TTC23L: variants seen among roughly 807,000 people sequenced by gnomAD.
The protein encoded by TTC23L is tetratricopeptide repeat domain 23 like.
A neutral mutation model predicts 48.1 loss-of-function variants in TTC23L; 42 were observed. The observed-to-expected ratio is 0.87, with a 90% confidence interval of 0.68 to 1.13. TTC23L has a LOEUF of 1.13. TTC23L is among the 50% of genes most tolerant of loss of function. The pLI, the probability that TTC23L is intolerant of heterozygous loss-of-function variation, is 0.00. For synonymous variants in TTC23L, 159 were observed against 157.2 expected, an observed-to-expected ratio of 1.01 and a Z score of -0.09; for missense variants, 391 against 421.0, an observed-to-expected ratio of 0.93 and a Z score of 0.62.
At chr5:34,877,396 A>G (rs777812425) in intron 8 of TTC23L, among the ~76,000 whole-genome samples, 2 of 149,688 alleles carry the variant, frequency 1.3e-5, no homozygotes, top group Non-Finnish European at 3.0e-5. Flanking sequence ...CCTTTGACTA[A>G]CACTATTATT....
At chr5:34,841,901 G>A (rs929691542) in intron 2 of TTC23L, among the ~76,000 whole-genome samples, 3 of 152,130 alleles carry the variant, frequency 2.0e-5, no homozygotes, top group Non-Finnish European at 2.9e-5. Context: ...TGTTTGTTGT[G>A]GAGGGCTGTC....
At chr5:34,880,270 G>C (rs767790013) in exon 9 of TTC23L, 1 of 1,613,146 alleles carries the variant, frequency 6.2e-7, no homozygotes, top group Non-Finnish European at 8.5e-7. Flanking sequence ...CACCACTGAA[G>C]AATTTTGCAA....
intron 9 of TTC23L, among the ~76,000 whole-genome samples, chr5:34,892,410 C>G (rs567213251): frequency 1.4e-4 from 22 of 152,182 alleles, no homozygotes; most frequent in Non-Finnish European, 2.9e-4. Flanking sequence ...ACAAAAATCT[C>G]AGATTTAAAC....
downstream of TTC23L, among the ~76,000 whole-genome samples, chr5:34,900,939 T>C (rs1178194051): frequency 2.0e-5 from 3 of 152,228 alleles, no homozygotes; most frequent in East Asian, 1.9e-4. Context: ...TACAAAATGA[T>C]TGCAGTACAG....
At chr5:34,854,410 T>C (rs377745655) in intron 4 of TTC23L, among the ~76,000 whole-genome samples, 11 of 152,318 alleles carry the variant, frequency 7.2e-5, no homozygotes, top group African/African-American at 2.2e-4. Context: ...CCTCTTTGCT[T>C]TCTTCACTTA....
At chr5:34,875,709 G>A (rs11948433) in intron 8 of TTC23L, among the ~76,000 whole-genome samples, 46,678 of 151,948 alleles carry the variant, frequency 0.31, 9,056 homozygotes, top group Non-Finnish European at 0.43. Context: ...CATCACACCC[G>A]TGTATCAGAA....
the TTC23L span, chr5:34,922,188 T>C: frequency 3.9e-6 from 5 of 1,283,934 alleles, no homozygotes; most frequent in South Asian, 3.9e-5. Flanking sequence ...TATTATCTAC[T>C]TCATTTTCCT....
chr5:34,890,390 C>T (rs762869559), intron 9 of TTC23L, among the ~76,000 whole-genome samples: 4 of 144,518 alleles, frequency 2.8e-5, no homozygotes, highest in South Asian at 4.5e-4. Context: ...TGCAGTGAGC[C>T]GCGATTGCAC....
At chr5:34,885,732 G>A (rs1279520902) in intron 9 of TTC23L, among the ~76,000 whole-genome samples, 8 of 121,474 alleles carry the variant, frequency 6.6e-5, no homozygotes, top group Admixed American at 1.9e-4. Context: ...GAGCAACAGA[G>A]TGAGGCCCTG....
the TTC23L span, chr5:34,922,282 T>C: frequency 5.8e-6 from 9 of 1,555,824 alleles, no homozygotes; most frequent in East Asian, 6.8e-5. Flanking sequence ...AGGATCTCTA[T>C]ATGTGGTAAG....
rs183459902 is a variant in TTC23L, at chr5:34,852,208, A to T, written c.379+1900A>T. Among the ~76,000 whole-genome samples, 21 of 152,232 alleles carry T rather than the reference A, an allele frequency of 1.4e-4. No homozygotes were observed. The East Asian group carries it at 3.5e-3, about 25-fold the overall frequency. ...CCCCCAAGTAGATTTTGAGGGGAGAAGTAGAGAGTACAAAGTTGGTCCTTT... is the reference window on the plus strand; with the variant it reads ...CCCCCAAGTAGATTTTGAGGGGAGATGTAGAGAGTACAAAGTTGGTCCTTT... On this transcript the variant is annotated intron_variant, in intron 4 of 10. Transcript: ENST00000505624.
chr5:34,924,149 A>G, the TTC23L span, among the ~76,000 whole-genome samples: 1 of 152,244 alleles, frequency 6.6e-6, no homozygotes, highest in Non-Finnish European at 1.5e-5. Flanking sequence ...AGGAGAAAAG[A>G]GGAGGTGACT....
chr5:34,855,278 T>C (rs1456106905), intron 4 of TTC23L, among the ~76,000 whole-genome samples: 1 of 151,042 alleles, frequency 6.6e-6, no homozygotes, highest in Non-Finnish European at 1.5e-5. Flanking sequence ...GAAGGGTACA[T>C]TGGGCAGGCC....
At chr5:34,881,901 A>G (rs1456913258) in intron 9 of TTC23L, among the ~76,000 whole-genome samples, 1 of 151,436 alleles carries the variant, frequency 6.6e-6, no homozygotes, top group Non-Finnish European at 1.5e-5. Flanking sequence ...AACAGCTGGG[A>G]TTACAGGCGC....
chr5:34,909,352 A>AT, the TTC23L span: 1 of 1,589,746 alleles, frequency 6.3e-7, no homozygotes, highest in Admixed American at 1.7e-5. Context: ...CCAAAAGTAG[A>AT]TAACCTATAG....
chr5:34,855,852 A>T (rs988146458), intron 4 of TTC23L, among the ~76,000 whole-genome samples: 1 of 152,238 alleles, frequency 6.6e-6, no homozygotes, highest in African/African-American at 2.4e-5. Flanking sequence ...CAAAGGGTAC[A>T]CAAGAATGAA....
chr5:34,861,907 T>G (rs1419713794), intron 4 of TTC23L, among the ~76,000 whole-genome samples: 1 of 152,046 alleles, frequency 6.6e-6, no homozygotes, highest in Non-Finnish European at 1.5e-5. Flanking sequence ...ACTGGACAAA[T>G]AGCAGCTTGA....
At chr5:34,905,667 A>G in the TTC23L span, 1 of 152,212 alleles carries the variant, frequency 6.6e-6, no homozygotes, top group African/African-American at 2.4e-5. Flanking sequence ...AGACAGAACT[A>G]AAAGTCTTTA....
At chr5:34,848,392 A>G (rs1200610579) in intron 3 of TTC23L, among the ~76,000 whole-genome samples, 1 of 152,184 alleles carries the variant, frequency 6.6e-6, no homozygotes, top group Non-Finnish European at 1.5e-5. Context: ...TTCAGCAAAT[A>G]TTGAATGTGT....
Sources: gnomAD v4.1 joint callset for allele counts (sites outside exome capture counted in the v4.1 genomes callset) on GRCh38, gnomAD v4.1.1 for gene constraint, MANE v1.5 for transcripts, NCBI Gene and HGNC (gene_info 2026-07-23, HGNC 2026-07-21) for gene names.